The following IRAG1 variants were observed in gnomAD, a reference collection of about 807,000 sequenced individuals.
IRAG1 encodes the protein IP3R-associated cGMP kinase substrate.
IRAG1 carries 62 observed loss-of-function variants against 106.2 expected under a neutral mutation model. That is an observed-to-expected ratio of 0.58 (90% CI 0.48 to 0.72). The LOEUF (loss-of-function observed/expected upper bound fraction) is 0.72. Among genes scored for constraint, IRAG1 ranks in the 30% least tolerant of loss-of-function variants. The pLI, the probability that IRAG1 is intolerant of heterozygous loss-of-function variation, is 0.00. For missense variants in IRAG1, 1,064 were observed against 1,140.7 expected, an observed-to-expected ratio of 0.93 and a Z score of 0.97; for synonymous variants, 462 against 443.9, an observed-to-expected ratio of 1.04 and a Z score of -0.51.
chr11:10,687,560 A>G, intron 1 of IRAG1: 3 of 787,524 alleles, frequency 3.8e-6, no homozygotes, highest in Non-Finnish European at 5.1e-6. Context: ...TACGGGTGAT[A>G]TTAGTCTCTG....
chr11:10,682,505 T>C (rs1379094208), intron 1 of IRAG1, among the ~76,000 whole-genome samples: 1 of 152,210 alleles, frequency 6.6e-6, no homozygotes, highest in Non-Finnish European at 1.5e-5. Context: ...ATAGTCTTCC[T>C]CTAAGTCTGA....
intron 1 of IRAG1, among the ~76,000 whole-genome samples, chr11:10,666,274 C>T (rs929299529): frequency 2.0e-5 from 3 of 152,218 alleles, no homozygotes; most frequent in African/African-American, 7.2e-5. Context: ...AACAGCCCTG[C>T]ATGGTACGAT....
In IRAG1 at chr11:10,576,111, C is replaced by T. The variant is rs926943334; in HGVS notation, c.*221G>A. 16 of 576,588 alleles carry T rather than the reference C, an allele frequency of 2.8e-5. No homozygotes were observed. The highest frequency in any genetic ancestry group is 4.0e-5 in the Non-Finnish European group (13 of 328,998). 35.7% of individuals were successfully genotyped at this position (576,588 alleles called of 1,614,324 possible). On this transcript the variant is annotated 3_prime_UTR_variant, in exon 21 of 21. Transcript: ENST00000423302. ...TCCTTGGTGAAGGTGACTTCTTCAT[C>T]CACTGGATGCTTTCCCAGGGCAGTT...
chr11:10,685,316 C>T (rs1369423704), intron 1 of IRAG1, among the ~76,000 whole-genome samples: 5 of 151,124 alleles, frequency 3.3e-5, no homozygotes, highest in Non-Finnish European at 7.4e-5. Flanking sequence ...GGCATGGTGG[C>T]GCATGCCTGT....
At chr11:10,651,857 A>G (rs930622077) in intron 2 of IRAG1, among the ~76,000 whole-genome samples, 168 bp downstream of exon 2, 8 of 152,236 alleles carry the variant, frequency 5.3e-5, no homozygotes, top group African/African-American at 1.7e-4. Context: ...ACCAACTCAG[A>G]GTAATTGATT....
intron 2 of IRAG1, among the ~76,000 whole-genome samples, chr11:10,641,863 G>A (rs528143852): frequency 1.3e-5 from 2 of 152,182 alleles, no homozygotes; most frequent in African/African-American, 4.8e-5. Context: ...GGGCTGTGCC[G>A]CTTGTAAATA....
chr11:10,677,466 C>T (rs1217114947), intron 1 of IRAG1, among the ~76,000 whole-genome samples: 4 of 152,164 alleles, frequency 2.6e-5, no homozygotes, highest in Non-Finnish European at 5.9e-5. Context: ...TCTAGACCCT[C>T]CCTGAATTTG....
Position 10,627,989 on chromosome 11 carries a change from G to A in IRAG1, c.689C>T (p.Pro230Leu). Residue 230 changes from proline (P) to leucine (L), a missense_variant, in exon 7 of 21, where the codon CCT becomes CTT. Physicochemically the swap from Pro to Leu is moderately conservative, Grantham distance 98 (BLOSUM62 -3). Coordinates refer to ENST00000423302, the MANE Select transcript of IRAG1 (RefSeq NM_130385.4). Reference sequence around the variant, plus strand: ...TCCTGTCACCTGTGGTGGTGCTCCAGGCAGAGGGGATGGCGGGCCACTGCA... The same window carrying A: ...TCCTGTCACCTGTGGTGGTGCTCCAAGCAGAGGGGATGGCGGGCCACTGCA... ...DVCSGPPSPL[P>L]GAPPQKGDEA... 1 of 1,610,936 alleles carries A rather than the reference G, an allele frequency of 6.2e-7. No individual in the cohort carries two copies. The highest frequency in any genetic ancestry group is 8.5e-7 in the Non-Finnish European group (1 of 1,177,880).
chr11:10,577,196 C>T (rs1461094312), intron 20 of IRAG1, among the ~76,000 whole-genome samples: 2 of 152,218 alleles, frequency 1.3e-5, no homozygotes, highest in Non-Finnish European at 2.9e-5. Flanking sequence ...TTAGAAGCCT[C>T]TAGCAATGTC....
intron 1 of IRAG1, chr11:10,687,673 A>G: frequency 7.8e-7 from 1 of 1,284,140 alleles, no homozygotes; most frequent in South Asian, 1.3e-5. Context: ...TCTTGAGAGG[A>G]AGTCCACCAC....
intron 20 of IRAG1, among the ~76,000 whole-genome samples, chr11:10,578,297 G>T (rs1195006156): frequency 6.6e-6 from 1 of 152,336 alleles, no homozygotes; most frequent in East Asian, 1.9e-4. Context: ...TTGAACAGCC[G>T]TTAGGAGAAA....
At chr11:10,602,573 C>G (rs1236312590) in intron 14 of IRAG1, among the ~76,000 whole-genome samples, 3 of 152,160 alleles carry the variant, frequency 2.0e-5, no homozygotes, top group Non-Finnish European at 4.4e-5. Context: ...GGGCCTGTGC[C>G]CCGCTCCGCC....
chr11:10,629,053 G>A (rs1856492653), intron 5 of IRAG1, among the ~76,000 whole-genome samples: 1 of 152,000 alleles, frequency 6.6e-6, no homozygotes. Flanking sequence ...CGAGGATAGA[G>A]TCACACTTCT....
intron 20 of IRAG1, among the ~76,000 whole-genome samples, chr11:10,577,640 G>A (rs1850961591): frequency 6.6e-6 from 1 of 152,184 alleles, no homozygotes; most frequent in Admixed American, 6.5e-5. Context: ...ACACAGCAAT[G>A]ACCAAGCCAT....
chr11:10,623,727 CA>C, intron 10 of IRAG1, 50 bp downstream of exon 10: 1 of 1,545,282 alleles, frequency 6.5e-7, no homozygotes, highest in Non-Finnish European at 8.9e-7. Flanking sequence ...CTTGATCTGG[CA>C]CAGACAAATC....
rs550107940 is a variant in IRAG1, at chr11:10,628,502, G to A, written c.652+249C>T. 6.6e-6 allele frequency among the ~76,000 whole-genome samples: 1 copy of A among 152,272 alleles called. No homozygotes were observed. Among genetic ancestry groups the A allele is most frequent in the East Asian group, 1.9e-4 (1 of 5,178 alleles). On this transcript the variant is annotated intron_variant, in intron 6 of 20. Coordinates refer to ENST00000423302, the MANE Select transcript of IRAG1 (RefSeq NM_130385.4). The surrounding 1 kb of genome is among the most constrained non-coding windows in gnomAD (Gnocchi z 4.1). ...CTGTCCTAGTCCCCTTTCCCACCCA[G>A]CCTTCCTGACCCTGGGGTACACCTG... is the stretch of plus-strand genomic sequence containing the variant.
chr11:10,681,681 G>C (rs186610435), intron 1 of IRAG1, among the ~76,000 whole-genome samples: 1 of 152,178 alleles, frequency 6.6e-6, no homozygotes, highest in African/African-American at 2.4e-5. Flanking sequence ...GTTGAAGGCA[G>C]AACCAGGCCT....
At chr11:10,632,187 T>G in intron 3 of IRAG1, 126 bp from the exon 4 acceptor site, 1 of 661,812 alleles carries the variant, frequency 1.5e-6, no homozygotes. Flanking sequence ...TCCTTCTTTC[T>G]TTCTTTTTTT....
intron 8 of IRAG1, 75 bp from the exon 9 acceptor site, chr11:10,626,658 G>A: frequency 6.8e-7 from 1 of 1,474,886 alleles, no homozygotes; most frequent in Admixed American, 2.3e-5. Flanking sequence ...TTCTGCTGTG[G>A]AGTCTCTGCC....
Sources: gnomAD v4.1 joint callset for allele counts (sites outside exome capture counted in the v4.1 genomes callset) on GRCh38, gnomAD v4.1.1 for gene constraint, Gnocchi (gnomAD v3.1) non-coding constraint, MANE v1.5 for transcripts, NCBI Gene and HGNC (gene_info 2026-07-23, HGNC 2026-07-21) for gene names.